The following ENTPD3 variants were observed in gnomAD, a reference collection of about 807,000 sequenced individuals.
ENTPD3 encodes CD39 antigen-like 3.
Under a neutral mutation model 51.2 loss-of-function variants are expected in ENTPD3, and 60 were observed. The observed-to-expected ratio is 1.17, with a 90% CI of 0.95 to 1.45. The LOEUF (loss-of-function observed/expected upper bound fraction) is 1.45. Ranked by LOEUF, ENTPD3 falls within the 40% of genes most tolerant of loss-of-function variation. The pLI is 0.00. For missense variants in ENTPD3, 593 were observed against 641.1 expected (o/e 0.93, Z 0.81); for synonymous variants, 221 against 238.4 (o/e 0.93, Z 0.67).
intron 4 of ENTPD3, among the ~76,000 whole-genome samples, chr3:40,403,299 G>C (rs1441144888): frequency 6.6e-6 from 1 of 152,162 alleles, no homozygotes; most frequent in Admixed American, 6.5e-5. Context: ...ACAGATTATG[G>C]AGTGCAAGGT....
intron 4 of ENTPD3, among the ~76,000 whole-genome samples, chr3:40,407,922 G>A (rs1955541709): frequency 6.6e-6 from 1 of 152,184 alleles, no homozygotes; most frequent in Admixed American, 6.5e-5. Flanking sequence ...GCACACCTAG[G>A]AAGTGCTCTT....
intron 2 of ENTPD3, among the ~76,000 whole-genome samples, chr3:40,390,040 T>C (rs1955018473): frequency 2.0e-5 from 3 of 152,212 alleles, no homozygotes; most frequent in African/African-American, 7.2e-5. Context: ...GCTAGTAAGA[T>C]TGAGAGACTG....
In ENTPD3 at chr3:40,411,928, C is replaced by T. The variant is rs373505768; in HGVS notation, c.403C>T (p.His135Tyr). The T allele has an allele frequency of 3.1e-6, 5 of 1,611,682 alleles. No homozygotes were observed. The highest frequency in any genetic ancestry group is 1.1e-5 in the South Asian group (1 of 90,314). The change falls in exon 5 of 11, where the codon CAC (histidine) becomes TAC (tyrosine). Residue 135 changes from histidine (H) to tyrosine (Y), a missense_variant. Physicochemically the swap from His to Tyr is moderately conservative, Grantham distance 83. Transcript: ENST00000301825. Reference protein sequence around the residue: ...PSHLHGSTPIHLGATAGMRLL... With the variant: ...PSHLHGSTPIYLGATAGMRLL... ...CCACCTCCACGGATCCACCCCCATT[C>T]ACCTGGGAGCCACGGCTGGGATGCG...
intron 1 of ENTPD3, 120 bp from the exon 2 acceptor site, chr3:40,387,926 C>T (rs1954974530): frequency 1.4e-5 from 10 of 739,194 alleles, no homozygotes; most frequent in South Asian, 1.8e-5. Context: ...TTACCTTTCC[C>T]GGGATGAGGT....
intron 7 of ENTPD3, among the ~76,000 whole-genome samples, chr3:40,417,840 T>C (rs558517916): frequency 1.3e-3 from 204 of 152,204 alleles, no homozygotes; most frequent in Non-Finnish European, 2.2e-3. Context: ...GCTCCAGCTC[T>C]GACCCTAGCA....
chr3:40,389,982 A>G (rs1476131918), intron 2 of ENTPD3, among the ~76,000 whole-genome samples: 1 of 152,218 alleles, frequency 6.6e-6, no homozygotes, highest in Admixed American at 6.5e-5. Flanking sequence ...GCACTGTCCA[A>G]TATAGTAGCC....
chr3:40,396,173 G>A (rs866380569), intron 3 of ENTPD3, among the ~76,000 whole-genome samples: 1 of 152,194 alleles, frequency 6.6e-6, no homozygotes, highest in South Asian at 2.1e-4. Context: ...GGTCCATTCT[G>A]CTTAATTGGG....
intron 7 of ENTPD3, among the ~76,000 whole-genome samples, chr3:40,422,124 G>A (rs1033907625): frequency 1.5e-5 from 2 of 132,860 alleles, no homozygotes; most frequent in Non-Finnish European, 3.2e-5. Flanking sequence ...TGCCTGGTAC[G>A]AGGTAATTGT....
intron 2 of ENTPD3, among the ~76,000 whole-genome samples, chr3:40,389,506 A>G (rs192607172): frequency 6.6e-6 from 1 of 152,338 alleles, no homozygotes; most frequent in East Asian, 1.9e-4. Context: ...ATAACTTCCC[A>G]AAAGAGTGAT....
intron 4 of ENTPD3, among the ~76,000 whole-genome samples, chr3:40,404,517 A>T (rs1955447203): frequency 6.6e-6 from 1 of 152,152 alleles, no homozygotes. Flanking sequence ...GGGAGGTGTT[A>T]TGGCAGTCCC....
At chr3:40,411,768 T>C in intron 4 of ENTPD3, 44 bp from the exon 5 acceptor site, 1 of 1,533,236 alleles carries the variant, frequency 6.5e-7, no homozygotes, top group Non-Finnish European at 8.8e-7. Context: ...TCACTGCGAT[T>C]GGTTCCTGGA....
chr3:40,397,053 G>A (rs1955217760), intron 3 of ENTPD3, among the ~76,000 whole-genome samples: 1 of 149,928 alleles, frequency 6.7e-6, no homozygotes, highest in Non-Finnish European at 1.5e-5. Context: ...CATCAGCCTG[G>A]ATTTCTGGTG....
intron 3 of ENTPD3, among the ~76,000 whole-genome samples, chr3:40,398,844 A>G (rs1955272372): frequency 6.6e-6 from 1 of 152,222 alleles, no homozygotes; most frequent in Admixed American, 6.5e-5. Flanking sequence ...CCTAAAAGTG[A>G]ATACAATGAA....
At chr3:40,397,584 G>A (rs900266437) in intron 3 of ENTPD3, among the ~76,000 whole-genome samples, 15 of 152,018 alleles carry the variant, frequency 9.9e-5, no homozygotes, top group African/African-American at 3.6e-4. Context: ...ATAAGTGCAG[G>A]ACAAGGCTTA....
In ENTPD3 at chr3:40,424,792, A is replaced by G. The variant is rs1293234888; in HGVS notation, c.1353+829A>G. The G allele has an allele frequency of 5.7e-6, 4 of 701,964 alleles. No individual in the cohort carries two copies. In the Admixed American group the frequency reaches 6.0e-5, roughly 11 times the overall value. 43.5% of individuals were successfully genotyped at this position (701,964 alleles called of 1,614,324 possible). On this transcript the variant is annotated intron_variant, in intron 10 of 10. Coordinates refer to ENST00000301825, the MANE Select transcript of ENTPD3 (RefSeq NM_001248.4). Reference sequence around the variant, plus strand: ...GAATAGCTGATATGAAGCCTGAAGGATGTCTGGAGTCAGCCTGTTCAATAC... The same window carrying G: ...GAATAGCTGATATGAAGCCTGAAGGGTGTCTGGAGTCAGCCTGTTCAATAC...
chr3:40,407,115 G>A (rs1445513277), intron 4 of ENTPD3, among the ~76,000 whole-genome samples: 2 of 152,162 alleles, frequency 1.3e-5, no homozygotes, highest in South Asian at 2.1e-4. Context: ...TGGGAGTGGA[G>A]CATATTGGGG....
intron 3 of ENTPD3, among the ~76,000 whole-genome samples, chr3:40,399,132 A>G (rs762441616): frequency 1.8e-4 from 27 of 152,104 alleles, no homozygotes; most frequent in Non-Finnish European, 3.1e-4. Context: ...TGGGGCTGAG[A>G]ATCGATTGAG....
At chr3:40,409,293 A>G (rs1955574000) in intron 4 of ENTPD3, among the ~76,000 whole-genome samples, 1 of 152,034 alleles carries the variant, frequency 6.6e-6, no homozygotes, top group Non-Finnish European at 1.5e-5. Context: ...AAACATATAT[A>G]TTTATTTAAT....
rs143182892 is a variant in ENTPD3, at chr3:40,419,540, G to A, written c.832-3310G>A. On this transcript the variant is annotated intron_variant, in intron 7 of 10. Coordinates refer to ENST00000301825, the MANE Select transcript of ENTPD3 (RefSeq NM_001248.4). ...ATTTGAAGCAGTAACAAAAAAGGAA[G>A]TTTTTTGTTGAGATTGTGATTGCAA... Among the ~76,000 whole-genome samples, 87 of 152,218 alleles carry A rather than the reference G, an allele frequency of 5.7e-4. No homozygotes were observed. The South Asian group carries it at 0.012, about 21-fold the overall frequency.
Sources: gnomAD v4.1 joint callset for allele counts (sites outside exome capture counted in the v4.1 genomes callset) on GRCh38, gnomAD v4.1.1 for gene constraint, MANE v1.5 for transcripts, NCBI Gene and HGNC (gene_info 2026-07-23, HGNC 2026-07-21) for gene names.